The following KIFAP3 variants were observed in gnomAD, a reference collection of about 807,000 sequenced individuals.
The protein encoded by KIFAP3 is kinesin associated protein 3, also known as kinesin-associated protein 3.
KIFAP3 carries 68 observed loss-of-function variants against 106.5 expected under a neutral mutation model. That is an observed-to-expected ratio of 0.64 (90% CI 0.53 to 0.78). The LOEUF is 0.78. KIFAP3 is among the 30% of genes least tolerant of loss of function. The pLI is 0.00. For synonymous variants in KIFAP3, 320 were observed against 311.5 expected (o/e 1.03, Z -0.29); for missense variants, 780 against 941.8 (o/e 0.83, Z 2.25).
intron 10 of KIFAP3, among the ~76,000 whole-genome samples, chr1:170,014,296 T>C (rs1418522806): frequency 6.6e-6 from 1 of 152,220 alleles, no homozygotes; most frequent in African/African-American, 2.4e-5. Flanking sequence ...AACTTCATAA[T>C]ACCACTTAAG....
intron 1 of KIFAP3, among the ~76,000 whole-genome samples, chr1:170,066,493 T>A (rs1442066269): frequency 6.6e-6 from 1 of 152,152 alleles, no homozygotes; most frequent in East Asian, 1.9e-4. Context: ...TATGTGTGTA[T>A]CTGTTTGAGG....
At chr1:169,975,757 G>C (rs1666193383) in intron 16 of KIFAP3, among the ~76,000 whole-genome samples, 1 of 152,066 alleles carries the variant, frequency 6.6e-6, no homozygotes, top group Admixed American at 6.6e-5. Context: ...TGAGACTATA[G>C]GCATGCACCA....
chr1:170,035,998 G>T (rs550953630), intron 5 of KIFAP3, among the ~76,000 whole-genome samples: 1 of 151,782 alleles, frequency 6.6e-6, no homozygotes, highest in Non-Finnish European at 1.5e-5. Context: ...ACTAACACTC[G>T]TTCCATTAAA....
chr1:170,038,037 C>A (rs1208885029), intron 5 of KIFAP3, among the ~76,000 whole-genome samples: 2 of 152,024 alleles, frequency 1.3e-5, no homozygotes, highest in African/African-American at 4.8e-5. Flanking sequence ...GATCTTATAT[C>A]CTACTTGAAA....
chr1:170,028,334 G>A (rs989450857), intron 8 of KIFAP3, among the ~76,000 whole-genome samples: 6 of 151,738 alleles, frequency 4.0e-5, no homozygotes, highest in African/African-American at 1.5e-4. Context: ...TTTTTTGTTT[G>A]TTTGTTTTTG....
At chr1:169,931,022 T>A (rs1326997317) in intron 19 of KIFAP3, among the ~76,000 whole-genome samples, 1 of 150,922 alleles carries the variant, frequency 6.6e-6, no homozygotes, top group Non-Finnish European at 1.5e-5. Flanking sequence ...TGGGTTCAAG[T>A]GACTCTCCTG....
chr1:169,944,357 G>A (rs1029180502), intron 19 of KIFAP3, among the ~76,000 whole-genome samples: 3 of 152,196 alleles, frequency 2.0e-5, no homozygotes, highest in Non-Finnish European at 2.9e-5. Flanking sequence ...GAGCAACTGC[G>A]TCTGGATGAG....
At chr1:169,948,689 T>C (rs1313811854) in intron 19 of KIFAP3, among the ~76,000 whole-genome samples, 1 of 152,008 alleles carries the variant, frequency 6.6e-6, no homozygotes, top group Non-Finnish European at 1.5e-5. Context: ...TAATTAAAAA[T>C]TGATAAAGGA....
At chr1:170,044,317 A>G (rs1670134179) in intron 3 of KIFAP3, among the ~76,000 whole-genome samples, 1 of 152,180 alleles carries the variant, frequency 6.6e-6, no homozygotes, top group South Asian at 2.1e-4. Context: ...AACTGGACAT[A>G]CTAAAATGGG....
intron 10 of KIFAP3, among the ~76,000 whole-genome samples, chr1:170,009,485 C>A (rs1668140580): frequency 6.6e-6 from 1 of 151,992 alleles, no homozygotes; most frequent in African/African-American, 2.4e-5. Context: ...TAACTTTTAT[C>A]CAAGAATGAA....
At chr1:170,066,457 T>C (rs1459563867) in intron 1 of KIFAP3, among the ~76,000 whole-genome samples, 1 of 151,984 alleles carries the variant, frequency 6.6e-6, no homozygotes, top group Non-Finnish European at 1.5e-5. Flanking sequence ...TCTAAGAAAA[T>C]CTTAAAAGCT....
chr1:170,059,859 A>G (rs112581951), intron 1 of KIFAP3, among the ~76,000 whole-genome samples: 9,645 of 152,298 alleles, frequency 0.063, 390 homozygotes, highest in Non-Finnish European at 0.095. Context: ...ACGCTGGTTC[A>G]ATATATGCAA....
chr1:169,923,109 T>C (rs1208038555), intron 19 of KIFAP3: 1 of 984,726 alleles, frequency 1.0e-6, no homozygotes, highest in East Asian at 1.1e-4. Flanking sequence ...AGTTCTGAAA[T>C]ACAAGTTTCA....
At chr1:170,011,364 G>A (rs1668233579) in intron 10 of KIFAP3, among the ~76,000 whole-genome samples, 1 of 151,960 alleles carries the variant, frequency 6.6e-6, no homozygotes, top group Non-Finnish European at 1.5e-5. Flanking sequence ...TCAAATCAAT[G>A]AGTAGCTAAT....
Position 169,985,528 on chromosome 1 carries a change from G to A in KIFAP3, c.1285-838C>T, listed in dbSNP as rs79712328. 4.4e-3 allele frequency among the ~76,000 whole-genome samples: 671 copies of A among 151,924 alleles called. 3 individuals carry two copies. The highest frequency in any genetic ancestry group is 6.8e-3 in the Non-Finnish European group (460 of 67,808). On this transcript the variant is annotated intron_variant, in intron 11 of 19. Transcript: ENST00000361580. ...AACATCTACCGAAAAGGAGAAACTAGGGTAGAAAAAAACTTTAAAGGAAAG... is the reference window on the plus strand; with the variant it reads ...AACATCTACCGAAAAGGAGAAACTAAGGTAGAAAAAAACTTTAAAGGAAAG...
intron 18 of KIFAP3, among the ~76,000 whole-genome samples, chr1:169,958,813 A>T (rs1046338316): frequency 3.3e-4 from 51 of 152,332 alleles, no homozygotes; most frequent in African/African-American, 1.1e-3. Context: ...TCATTTTCAT[A>T]ATAGCAAAGG....
intron 1 of KIFAP3, among the ~76,000 whole-genome samples, chr1:170,073,570 C>T (rs779857819): frequency 1.1e-4 from 16 of 152,180 alleles, no homozygotes; most frequent in Non-Finnish European, 1.8e-4. Flanking sequence ...CAGAAGGTAA[C>T]GCCTGTCCCA....
At chr1:169,950,236 C>T (rs1321438119) in intron 19 of KIFAP3, among the ~76,000 whole-genome samples, 1 of 152,032 alleles carries the variant, frequency 6.6e-6, no homozygotes, top group Non-Finnish European at 1.5e-5. Flanking sequence ...CAAACTGAAA[C>T]ATTAAGAAAA....
chr1:169,934,618 T>C (rs1663682415), intron 19 of KIFAP3, among the ~76,000 whole-genome samples: 2 of 152,172 alleles, frequency 1.3e-5, no homozygotes, highest in South Asian at 4.1e-4. Flanking sequence ...ATTTTCATTC[T>C]GCGATGTGTG....
Sources: gnomAD v4.1 joint callset for allele counts (sites outside exome capture counted in the v4.1 genomes callset) on GRCh38, gnomAD v4.1.1 for gene constraint, MANE v1.5 for transcripts, NCBI Gene and HGNC (gene_info 2026-07-23, HGNC 2026-07-21) for gene names.